The following FADS2 variants were observed in gnomAD, a reference collection of about 807,000 sequenced individuals.
FADS2 encodes the protein fatty acid desaturase 2.
FADS2 carries 18 observed loss-of-function variants against 61.2 expected under a neutral mutation model. The ratio of observed to expected loss-of-function variants is 0.29; its 90% CI spans 0.20 to 0.44. The LOEUF (loss-of-function observed/expected upper bound fraction) is 0.44. FADS2 is among the 20% of genes least tolerant of loss of function. The pLI is 1.00. For synonymous variants in FADS2, 203 were observed against 223.9 expected, an observed-to-expected ratio of 0.91 and a Z score of 0.83; for missense variants, 322 against 572.7, an observed-to-expected ratio of 0.56 and a Z score of 4.47.
intron 4 of FADS2, chr11:61,846,537 A>G (rs765431836): frequency 2.6e-5 from 4 of 151,694 alleles, no homozygotes; most frequent in African/African-American, 4.8e-5. Context: ...ATTAGTGTCC[A>G]TAGACTGTGT....
rs1565338543 is a variant in FADS2, at chr11:61,865,137, C to T, written c.1158-15C>T. The T allele has an allele frequency of 6.2e-7, 1 of 1,611,648 alleles. No homozygotes were observed. The highest frequency in any genetic ancestry group is 2.2e-5 in the East Asian group (1 of 44,836). ...TCTGAGTCCTCACGCTCTGCCCACC[C>T]TACACACTCCTCAGCCTCTTCCCCA... On this transcript the variant is annotated splice_polypyrimidine_tract_variant and intron_variant, in intron 10 of 11. Coordinates refer to ENST00000278840, the MANE Select transcript of FADS2 (RefSeq NM_004265.4). The surrounding 1 kb of genome is among the most constrained non-coding windows in gnomAD (Gnocchi z 4.1).
At position 61,865,301 on chromosome 11, in the gene FADS2, G is replaced by A. The variant is rs200707981; in HGVS notation, c.1283+24G>A. On this transcript the variant is annotated intron_variant, in intron 11 of 11. Coordinates refer to ENST00000278840, the MANE Select transcript of FADS2 (RefSeq NM_004265.4). This position sits in a 1 kb window ranked among gnomAD's most constrained non-coding sequence, Gnocchi z 4.1. ...AGGTGAGGGGTGGAGGTCCACAGGCGCTGGGCCCTGGGATCACCCGTGGTG... is the reference window on the plus strand; with the variant it reads ...AGGTGAGGGGTGGAGGTCCACAGGCACTGGGCCCTGGGATCACCCGTGGTG... The A allele has an allele frequency of 3.9e-5, 62 of 1,610,360 alleles. No homozygotes were observed. The highest frequency in any genetic ancestry group is 6.7e-5 in the African/African-American group (5 of 74,848).
At position 61,836,299 on chromosome 11, in the gene FADS2, T is replaced by C. The variant is rs1459879499; in HGVS notation, c.208-1479T>C. On this transcript the variant is annotated intron_variant, in intron 1 of 11. Coordinates refer to ENST00000278840, the MANE Select transcript of FADS2 (RefSeq NM_004265.4). The stretch of plus-strand genomic sequence containing the variant: ...TTTCAGTAGAGGTGGGATTTCACCA[T>C]GTTGCCCAGGCCGATCTCAAACTCC... Among the ~76,000 whole-genome samples, 4 of 152,300 alleles carry C rather than the reference T, an allele frequency of 2.6e-5. No homozygotes were observed. In the East Asian group the frequency reaches 7.7e-4, roughly 29 times the overall value.
Position 61,828,309 on chromosome 11 carries a change from C to A in FADS2, c.-82C>A, listed in dbSNP as rs1178256977. 1 of 1,517,330 alleles carries A rather than the reference C, an allele frequency of 6.6e-7. No homozygotes were observed. Among genetic ancestry groups the A allele is most frequent in the Non-Finnish European group, 8.8e-7 (1 of 1,133,146 alleles). The allele number at this position is 1,517,330 out of a possible 1,614,324, so 94.0% of individuals were successfully genotyped here. On this transcript the variant is annotated 5_prime_UTR_variant, in exon 1 of 12. Transcript: ENST00000278840. The surrounding 1 kb of genome is among the most constrained non-coding windows in gnomAD (Gnocchi z 6.4). Reference sequence around the variant, plus strand: ...CGAAGAGGGCCCGGGCTGCACACACCGGCTGGGAGGCAGCCGTCTGTGCAG... The same window carrying A: ...CGAAGAGGGCCCGGGCTGCACACACAGGCTGGGAGGCAGCCGTCTGTGCAG...
At chr11:61,827,877 C>T (rs963227689), upstream of FADS2, 21 of 243,346 alleles carry the variant, frequency 8.6e-5, no homozygotes, top group African/African-American at 4.7e-4. The surrounding 1 kb of genome is among the most constrained non-coding windows in gnomAD (Gnocchi z 4.5). Flanking sequence ...CGACTCCACG[C>T]GGGAGGGCGG....
At chr11:61,818,687 A>G (rs1298023689) in intron 1 of FADS2, among the ~76,000 whole-genome samples, 1 of 152,228 alleles carries the variant, frequency 6.6e-6, no homozygotes, top group Non-Finnish European at 1.5e-5. Flanking sequence ...AACCCAAAGT[A>G]GTATGGGTTC....
At chr11:61,863,446 C>T (rs952551809) in intron 9 of FADS2, 68 bp downstream of exon 9, 2 of 1,208,588 alleles carry the variant, frequency 1.7e-6, no homozygotes, top group Non-Finnish European at 1.2e-6. Flanking sequence ...AGATGATCTG[C>T]ACCTGCTAAC....
chr11:61,857,170 G>C (rs2067367230), intron 6 of FADS2, 99 bp downstream of exon 6: 1 of 1,098,424 alleles, frequency 9.1e-7, no homozygotes, highest in Non-Finnish European at 1.4e-6. Context: ...GATCCAGAAA[G>C]TGACACTAAA....
chr11:61,832,302 G>A (rs2067137433), intron 1 of FADS2, among the ~76,000 whole-genome samples: 1 of 152,216 alleles, frequency 6.6e-6, no homozygotes, highest in African/African-American at 2.4e-5. Context: ...TTTGCACGGG[G>A]CAGGAGGGTT....
intron 7 of FADS2, among the ~76,000 whole-genome samples, chr11:61,859,814 G>A (rs145655877): frequency 0.043 from 6,549 of 152,112 alleles, 480 homozygotes; most frequent in African/African-American, 0.15. Flanking sequence ...GTGAAACCCC[G>A]TCTCTACTAA....
At chr11:61,828,062 C>T, upstream of FADS2, 2 of 1,199,936 alleles carry the variant, frequency 1.7e-6, no homozygotes, top group South Asian at 2.3e-5. The surrounding 1 kb of genome is among the most constrained non-coding windows in gnomAD (Gnocchi z 6.4). Context: ...GCCGGAGGGG[C>T]GGGCAGAGGA....
At chr11:61,834,775 G>A (rs900624165) in intron 1 of FADS2, among the ~76,000 whole-genome samples, 1 of 152,126 alleles carries the variant, frequency 6.6e-6, no homozygotes, top group African/African-American at 2.4e-5. Flanking sequence ...TGTGATGTGA[G>A]GAGGACCAAT....
Position 61,828,935 on chromosome 11 carries a change from C to T in FADS2, c.207+338C>T, listed in dbSNP as rs888722369. Among the ~76,000 whole-genome samples, 1 of 152,226 alleles carries T rather than the reference C, an allele frequency of 6.6e-6. No homozygotes were observed. Among genetic ancestry groups the T allele is most frequent in the African/African-American group, 2.4e-5 (1 of 41,464 alleles). ...AGGCAGGGACTCCCCAAGAGGGGCG[C>T]TCGGGCCAGACGGCTTTGGCGCCCC... On this transcript the variant is annotated intron_variant, in intron 1 of 11. Transcript: ENST00000278840. The surrounding 1 kb of genome is among the most constrained non-coding windows in gnomAD (Gnocchi z 6.4).
At chr11:61,841,461 G>A (rs2067216272) in intron 4 of FADS2, among the ~76,000 whole-genome samples, 1 of 151,488 alleles carries the variant, frequency 6.6e-6, no homozygotes, top group South Asian at 2.1e-4. Context: ...CCACCTGGGA[G>A]GCTGAGGCAG....
At chr11:61,851,868 T>C (rs2067310011) in intron 5 of FADS2, among the ~76,000 whole-genome samples, 2 of 152,256 alleles carry the variant, frequency 1.3e-5, no homozygotes, top group Admixed American at 6.5e-5. Flanking sequence ...AGGATTCTTT[T>C]TGTCATATGT....
intron 4 of FADS2, among the ~76,000 whole-genome samples, chr11:61,842,174 A>T (rs1404889696): frequency 1.3e-5 from 2 of 152,066 alleles, no homozygotes; most frequent in Non-Finnish European, 2.9e-5. Flanking sequence ...CCAGACCGCA[A>T]CGGGGCCCTT....
intron 7 of FADS2, among the ~76,000 whole-genome samples, chr11:61,860,070 G>A (rs1201858419): frequency 6.6e-6 from 1 of 152,258 alleles, no homozygotes. Flanking sequence ...GGGGCTTTCA[G>A]AGCCAGGAGC....
chr11:61,830,388 T>A (rs1457358876), intron 1 of FADS2, among the ~76,000 whole-genome samples: 4 of 152,248 alleles, frequency 2.6e-5, no homozygotes, highest in Non-Finnish European at 5.9e-5. Flanking sequence ...TTAATTACCA[T>A]ATCAGATTGA....
Position 61,845,030 on chromosome 11 carries a change from C to CTTTTT in FADS2, c.619-3102_619-3098dup, listed in dbSNP as rs71046747. Among the ~76,000 whole-genome samples, 5 of 44,164 alleles carry CTTTTT rather than the reference C, an allele frequency of 1.1e-4. 1 individual carries two copies. The highest frequency in any genetic ancestry group is 4.4e-4 in the African/African-American group (5 of 11,492). The allele number at this position is 44,164 out of a possible 152,430, so 29.0% of individuals were successfully genotyped here. On this transcript the variant is annotated intron_variant, in intron 4 of 11. Coordinates refer to ENST00000278840, the MANE Select transcript of FADS2 (RefSeq NM_004265.4). ...TGTTTCCATTAAAGCCAGAAGTGCACTTTTTTTTTTTTTTTTTTTTTTTTT... is the reference window on the plus strand; with the variant it reads ...TGTTTCCATTAAAGCCAGAAGTGCACTTTTTTTTTTTTTTTTTTTTTTTTTTTTTT...
Sources: gnomAD v4.1 joint callset for allele counts (sites outside exome capture counted in the v4.1 genomes callset) on GRCh38, gnomAD v4.1.1 for gene constraint, Gnocchi (gnomAD v3.1) non-coding constraint, MANE v1.5 for transcripts, NCBI Gene and HGNC (gene_info 2026-07-23, HGNC 2026-07-21) for gene names.